The following PSMB7 variants were observed in gnomAD, a reference collection of about 807,000 sequenced individuals.
The protein encoded by PSMB7 is proteasome subunit beta type-7.
A neutral mutation model predicts 28.1 loss-of-function variants in PSMB7; 5 were observed. That is an observed-to-expected ratio of 0.18 (90% CI 0.09 to 0.37). The LOEUF (loss-of-function observed/expected upper bound fraction) is 0.37, where lower values mean the gene tolerates loss of function less well. Among genes scored for constraint, PSMB7 ranks in the 10% least tolerant of loss-of-function variants. PSMB7 has a pLI of 1.00. For synonymous variants in PSMB7, 122 were observed against 123.7 expected (o/e 0.99, Z 0.09); for missense variants, 275 against 346.2 (o/e 0.79, Z 1.63).
intron 5 of PSMB7, among the ~76,000 whole-genome samples, chr9:124,398,229 T>G (rs1352412883): frequency 6.7e-6 from 1 of 148,814 alleles, no homozygotes; most frequent in African/African-American, 2.5e-5. Context: ...AATACCCAAC[T>G]CCTCACTCCC....
intron 6 of PSMB7, among the ~76,000 whole-genome samples, chr9:124,363,096 G>T (rs1341692982): frequency 1.3e-5 from 2 of 152,180 alleles, no homozygotes. Context: ...CTGGTGCTTG[G>T]CATGTAGGTC....
At chr9:124,395,470 C>T (rs772561722) in intron 5 of PSMB7, among the ~76,000 whole-genome samples, 3 of 152,014 alleles carry the variant, frequency 2.0e-5, no homozygotes, top group South Asian at 2.1e-4. Flanking sequence ...TTCAGCCTGG[C>T]GACAGAGCAA....
rs1342095453 is a variant in PSMB7 at position 124,356,304 on chromosome 9, C to T, written c.722+460G>A. On this transcript the variant is annotated intron_variant, in intron 7 of 7. Transcript: ENST00000259457. This position sits in a 1 kb window ranked among gnomAD's most constrained non-coding sequence, Gnocchi z 4.4. ...GGCTCAGGCTCAATGGCACAACTCCCTGTAGCACAGCACACACACACTAGC... is the reference window on the plus strand; with the variant it reads ...GGCTCAGGCTCAATGGCACAACTCCTTGTAGCACAGCACACACACACTAGC... Among the ~76,000 whole-genome samples, 1 of 152,230 alleles carries T rather than the reference C, an allele frequency of 6.6e-6. No homozygotes were observed. The highest frequency in any genetic ancestry group is 2.4e-5 in the African/African-American group (1 of 41,460).
intron 6 of PSMB7, among the ~76,000 whole-genome samples, chr9:124,359,291 G>A (rs1222881534): frequency 6.6e-6 from 1 of 152,090 alleles, no homozygotes; most frequent in East Asian, 1.9e-4. Context: ...CCCACTCCAT[G>A]TCTCATATAC....
chr9:124,400,819 T>C (rs1265683119), intron 5 of PSMB7, among the ~76,000 whole-genome samples: 1 of 152,208 alleles, frequency 6.6e-6, no homozygotes, highest in Non-Finnish European at 1.5e-5. Context: ...ATGAAGTACG[T>C]ATTTATACAA....
chr9:124,364,938 G>A (rs1296764451), intron 6 of PSMB7, among the ~76,000 whole-genome samples: 2 of 152,220 alleles, frequency 1.3e-5, no homozygotes, highest in Admixed American at 6.5e-5. Context: ...CATGTGGGAA[G>A]GCTATCACAG....
In PSMB7 at chr9:124,379,670, G is replaced by A. The variant is rs1006456607; in HGVS notation, c.570+4928C>T. 1.2e-4 allele frequency among the ~76,000 whole-genome samples: 18 copies of A among 152,150 alleles called. No homozygotes were observed. In the East Asian group the frequency reaches 2.3e-3, roughly 20 times the overall value. Reference sequence around the variant, plus strand: ...CTGGGTTTCACTCTTCTGCTTTTTCGGCCTATAATTTCCCAATGAGCATTT... The same window carrying A: ...CTGGGTTTCACTCTTCTGCTTTTTCAGCCTATAATTTCCCAATGAGCATTT... On this transcript the variant is annotated intron_variant, in intron 6 of 7. Transcript: ENST00000259457.
rs556007780 is a variant in PSMB7 at position 124,355,969 on chromosome 9, C to T, written c.722+795G>A. ...CTGCAGAAGGTGGTGCTCACTTCCT[C>T]GGGGCTACCGTGGAGCTGAGTGGGA... On this transcript the variant is annotated intron_variant, in intron 7 of 7. Transcript: ENST00000259457. Among the ~76,000 whole-genome samples, 8 of 152,268 alleles carry T rather than the reference C, an allele frequency of 5.3e-5. No homozygotes were observed. The East Asian group carries it at 9.6e-4, about 18-fold the overall frequency.
intron 6 of PSMB7, among the ~76,000 whole-genome samples, chr9:124,361,890 T>G (rs1830468242): frequency 6.6e-6 from 1 of 152,278 alleles, no homozygotes; most frequent in South Asian, 2.1e-4. Flanking sequence ...TGTCTACAGC[T>G]ACAATCGAAT....
intron 5 of PSMB7, among the ~76,000 whole-genome samples, chr9:124,401,062 G>T (rs1162865060): frequency 2.0e-5 from 3 of 151,960 alleles, no homozygotes; most frequent in African/African-American, 7.3e-5. Context: ...TTTTAAAGGG[G>T]TAACTAGATG....
rs752867476 is a variant in PSMB7, at chr9:124,353,715, A to T, written c.723-6T>A. The T allele has an allele frequency of 6.9e-6, 11 of 1,599,550 alleles. No homozygotes were observed. The highest frequency in any genetic ancestry group is 8.6e-6 in the Non-Finnish European group (10 of 1,166,766). ...CACACCTGTACCGGCCAAGCCTAGT[A>T]AGAGAAAAACAAAAGCACAGAGTTA... On this transcript the variant is annotated splice_polypyrimidine_tract_variant and splice_region_variant and intron_variant, in intron 7 of 7. Coordinates refer to ENST00000259457, the MANE Select transcript of PSMB7 (RefSeq NM_002799.4).
intron 6 of PSMB7, among the ~76,000 whole-genome samples, chr9:124,379,648 G>A (rs774434234): frequency 6.6e-6 from 1 of 152,160 alleles, no homozygotes; most frequent in Non-Finnish European, 1.5e-5. Context: ...ATCCCAGCTG[G>A]GTTTCACTCT....
At chr9:124,401,160 A>C (rs1027902506) in intron 5 of PSMB7, among the ~76,000 whole-genome samples, 4 of 152,230 alleles carry the variant, frequency 2.6e-5, no homozygotes, top group Admixed American at 1.3e-4. Context: ...CTCTGGAGGG[A>C]TGTGAAGGAG....
chr9:124,395,827 T>G (rs1830834937), intron 5 of PSMB7, among the ~76,000 whole-genome samples: 1 of 152,162 alleles, frequency 6.6e-6, no homozygotes, highest in South Asian at 2.1e-4. Context: ...GAATCCTAAG[T>G]GATACTTCAT....
chr9:124,394,043 C>T (rs530150751), intron 5 of PSMB7, among the ~76,000 whole-genome samples: 2 of 152,238 alleles, frequency 1.3e-5, no homozygotes, highest in Non-Finnish European at 2.9e-5. Flanking sequence ...TCTTAAAGGT[C>T]CCCTTTACTC....
chr9:124,374,122 G>T (rs567942989), intron 6 of PSMB7, among the ~76,000 whole-genome samples: 1 of 152,340 alleles, frequency 6.6e-6, no homozygotes, highest in South Asian at 2.1e-4. Context: ...CAAAGTGAAA[G>T]AAGCTAGGCA....
intron 4 of PSMB7, among the ~76,000 whole-genome samples, chr9:124,407,475 A>C (rs1830978255): frequency 6.6e-6 from 1 of 152,178 alleles, no homozygotes; most frequent in Non-Finnish European, 1.5e-5. Context: ...AAGAGAAGCC[A>C]CAATCGCCAG....
At chr9:124,413,670 G>A (rs1456167645) in intron 3 of PSMB7, among the ~76,000 whole-genome samples, 1 of 152,198 alleles carries the variant, frequency 6.6e-6, no homozygotes, top group African/African-American at 2.4e-5. Context: ...GAAAGGATAG[G>A]AGGGAATGGA....
chr9:124,406,369 G>A (rs886681567), intron 4 of PSMB7, among the ~76,000 whole-genome samples: 6 of 151,828 alleles, frequency 4.0e-5, no homozygotes, highest in African/African-American at 1.5e-4. Flanking sequence ...AGGCATGGTG[G>A]CATGTACCTG....
Sources: gnomAD v4.1 joint callset for allele counts (sites outside exome capture counted in the v4.1 genomes callset) on GRCh38, gnomAD v4.1.1 for gene constraint, Gnocchi (gnomAD v3.1) non-coding constraint, MANE v1.5 for transcripts, NCBI Gene and HGNC (gene_info 2026-07-23, HGNC 2026-07-21) for gene names.